DOCK2: variants seen among roughly 807,000 people sequenced by gnomAD.
DOCK2 encodes dedicator of cytokinesis 2.
Under a neutral mutation model 248.9 loss-of-function variants are expected in DOCK2, and 87 were observed. The observed-to-expected ratio is 0.35, with a 90% CI of 0.29 to 0.42. DOCK2 has a LOEUF of 0.42. Among genes scored for constraint, DOCK2 ranks in the 10% least tolerant of loss-of-function variants. DOCK2 has a pLI of 1.00. For synonymous variants in DOCK2, 805 were observed against 821.6 expected (o/e 0.98, Z 0.35); for missense variants, 1,747 against 2,300.2 (o/e 0.76, Z 4.92).
Position 170,082,880 on chromosome 5 carries a change from A to G in DOCK2, c.*22A>G, listed in dbSNP as rs760375190. The G allele has an allele frequency of 3.1e-6, 5 of 1,614,170 alleles. No individual in the cohort carries two copies. The highest frequency in any genetic ancestry group is 1.1e-5 in the South Asian group (1 of 91,080). On this transcript the variant is annotated 3_prime_UTR_variant, in exon 52 of 52. Coordinates refer to ENST00000520908, the MANE Select transcript of DOCK2 (RefSeq NM_004946.3). ...GTGAGCTGCTGCTGACTAGGGCTGC[A>G]TGGGAGAGCCAGGGAGGGGAGTTTC...
At chr5:169,664,882 T>C (rs1045801296) in intron 2 of DOCK2, among the ~76,000 whole-genome samples, 2 of 152,092 alleles carry the variant, frequency 1.3e-5, no homozygotes, top group African/African-American at 2.4e-5. Context: ...TCTTATTATA[T>C]ATTTCAACAC....
chr5:169,865,954 G>C (rs1771521443), intron 27 of DOCK2, among the ~76,000 whole-genome samples: 1 of 152,244 alleles, frequency 6.6e-6, no homozygotes, highest in South Asian at 2.1e-4. Flanking sequence ...CCGTTGCCAT[G>C]CATGACGAAT....
intron 25 of DOCK2, among the ~76,000 whole-genome samples, chr5:169,787,819 C>G (rs1366151307): frequency 7.5e-6 from 1 of 133,506 alleles, no homozygotes; most frequent in Non-Finnish European, 1.6e-5. Flanking sequence ...TTCTTTTTCT[C>G]TTCATTCTTC....
chr5:169,825,551 A>G (rs966943053), intron 26 of DOCK2, among the ~76,000 whole-genome samples: 1 of 141,870 alleles, frequency 7.0e-6, no homozygotes, highest in African/African-American at 2.6e-5. Context: ...GTTCTCATTC[A>G]TAGGTGGGAA....
intron 33 of DOCK2, among the ~76,000 whole-genome samples, chr5:170,020,405 A>T (rs1236423507): frequency 6.6e-6 from 1 of 152,112 alleles, no homozygotes; most frequent in Non-Finnish European, 1.5e-5. Flanking sequence ...GCCTTGCTTT[A>T]TACTCATTTC....
chr5:169,881,261 CT>C (rs1361210702), intron 27 of DOCK2: 1 of 875,436 alleles, frequency 1.1e-6, no homozygotes, highest in African/African-American at 1.7e-5. Flanking sequence ...AGTTAAATAC[CT>C]TGTTTTTGCC....
chr5:169,898,655 C>T (rs896036129), intron 27 of DOCK2, among the ~76,000 whole-genome samples: 1 of 152,160 alleles, frequency 6.6e-6, no homozygotes, highest in Non-Finnish European at 1.5e-5. Flanking sequence ...GGTCAAAAAA[C>T]TCTTTCAATC....
At chr5:169,711,474 G>A (rs557545148) in intron 15 of DOCK2, among the ~76,000 whole-genome samples, 1 of 152,172 alleles carries the variant, frequency 6.6e-6, no homozygotes, top group South Asian at 2.1e-4. Context: ...AATATTATTG[G>A]ATTAAAGCAT....
intron 26 of DOCK2, among the ~76,000 whole-genome samples, chr5:169,812,035 TG>T (rs1237014843): frequency 6.6e-6 from 1 of 152,202 alleles, no homozygotes; most frequent in Non-Finnish European, 1.5e-5. Context: ...TTATTAGCTG[TG>T]GGACATTGAG....
chr5:169,875,324 A>C (rs763279379), intron 27 of DOCK2: 31 of 456,604 alleles, frequency 6.8e-5, no homozygotes, highest in South Asian at 4.5e-4. Flanking sequence ...ATAGACACCC[A>C]GGAGGTTCCG....
intron 26 of DOCK2, among the ~76,000 whole-genome samples, chr5:169,804,812 G>A (rs1470961509): frequency 6.6e-6 from 1 of 151,996 alleles, no homozygotes; most frequent in Non-Finnish European, 1.5e-5. Flanking sequence ...CAGGCATAGG[G>A]GATACAAAGG....
intron 30 of DOCK2, among the ~76,000 whole-genome samples, chr5:169,999,418 TTA>T (rs1001705200): frequency 6.6e-6 from 1 of 152,192 alleles, no homozygotes; most frequent in Non-Finnish European, 1.5e-5. Context: ...TGTTAGCTCA[TTA>T]TAATAATAGT....
intron 48 of DOCK2, among the ~76,000 whole-genome samples, chr5:170,078,041 G>C (rs1021962414): frequency 1.3e-5 from 2 of 152,182 alleles, no homozygotes; most frequent in Non-Finnish European, 2.9e-5. Flanking sequence ...GAGGCTCAGA[G>C]AGGCAAGGCA....
chr5:169,677,436 A>T (rs1759396865), intron 6 of DOCK2, among the ~76,000 whole-genome samples: 1 of 152,190 alleles, frequency 6.6e-6, no homozygotes, highest in Admixed American at 6.5e-5. Flanking sequence ...TTTGATGTAA[A>T]GTGCCAAGTT....
intron 27 of DOCK2, among the ~76,000 whole-genome samples, chr5:169,956,953 G>A (rs1379800301): frequency 6.6e-6 from 1 of 152,086 alleles, no homozygotes; most frequent in Non-Finnish European, 1.5e-5. Context: ...TGTCTTCCTT[G>A]AGTATGTCTC....
At chr5:169,691,062 C>A (rs922175864) in intron 9 of DOCK2, among the ~76,000 whole-genome samples, 4 of 152,128 alleles carry the variant, frequency 2.6e-5, no homozygotes, top group African/African-American at 7.2e-5. Flanking sequence ...GTGATGTTGG[C>A]ATCTTCTCGA....
At chr5:169,675,817 G>A (rs1029037526) in intron 6 of DOCK2, among the ~76,000 whole-genome samples, 1 of 152,202 alleles carries the variant, frequency 6.6e-6, no homozygotes. Flanking sequence ...TAAGCACTAG[G>A]GGGAGGATTC....
chr5:169,990,654 C>T (rs1778182138), intron 29 of DOCK2, among the ~76,000 whole-genome samples: 1 of 152,168 alleles, frequency 6.6e-6, no homozygotes, highest in Non-Finnish European at 1.5e-5. Flanking sequence ...GAATAGGTAT[C>T]CCAGCGGCTC....
chr5:169,947,919 C>T (rs888067368), intron 27 of DOCK2, among the ~76,000 whole-genome samples: 4 of 152,114 alleles, frequency 2.6e-5, no homozygotes, highest in African/African-American at 9.7e-5. Flanking sequence ...AATGTCACAC[C>T]GTGCAGTGCC....
Sources: allele counts gnomAD v4.1 joint callset (sites outside exome capture counted in the v4.1 genomes callset), GRCh38; gene constraint gnomAD v4.1.1; transcripts MANE v1.5; gene names NCBI Gene and HGNC (gene_info 2026-07-23, HGNC 2026-07-21).